The following PAK3 variants were observed in gnomAD, a reference collection of about 807,000 sequenced individuals.
PAK3 encodes serine/threonine-protein kinase PAK 3.
PAK3 carries 4 observed loss-of-function variants against 41.0 expected under a neutral mutation model. That is an observed-to-expected ratio of 0.10 (90% confidence interval 0.05 to 0.22). PAK3 has a LOEUF of 0.22. Ranked by LOEUF, PAK3 falls within the 10% of genes least tolerant of loss-of-function variation. The pLI, the probability that PAK3 is intolerant of heterozygous loss-of-function variation, is 1.00. For synonymous variants in PAK3, 146 were observed against 139.6 expected, an observed-to-expected ratio of 1.05 and a Z score of -0.32; for missense variants, 205 against 409.9, an observed-to-expected ratio of 0.50 and a Z score of 4.32.
chrX:111,061,626 A>C (rs1006359934), intron 1 of PAK3, among the ~76,000 whole-genome samples: 4 of 111,508 alleles, frequency 3.6e-5, no homozygotes, highest in African/African-American at 1.3e-4. Context: ...GCCCTTTTTC[A>C]TGTTGTTCAG....
chrX:110,955,509 C>T (rs1242068112), intron 1 of PAK3, among the ~76,000 whole-genome samples: 1 of 111,210 alleles, frequency 9.0e-6, no homozygotes, highest in Non-Finnish European at 1.9e-5. Flanking sequence ...GGGTGTGCAC[C>T]TGTAGTGCAC....
At chrX:111,196,322 A>G (rs2094612632) in intron 15 of PAK3, 122 bp from the exon 16 acceptor site, 2 of 567,372 alleles carry the variant, frequency 3.5e-6, no homozygotes, top group Non-Finnish European at 6.1e-6. Context: ...ACAAAAAGGT[A>G]TGAGCTAGGC....
chrX:111,017,515 A>G (rs1221893700), intron 1 of PAK3, among the ~76,000 whole-genome samples: 2 of 111,935 alleles, frequency 1.8e-5, no homozygotes, highest in Non-Finnish European at 3.8e-5. Flanking sequence ...AATTTGTAGA[A>G]ACATACAGCC....
intron 1 of PAK3, among the ~76,000 whole-genome samples, chrX:111,081,230 T>C (rs1002909767): frequency 8.9e-6 from 1 of 111,734 alleles, no homozygotes; most frequent in Admixed American, 9.5e-5. Context: ...CGGTGGCTCA[T>C]GCCTGTAATT....
chrX:110,947,748 G>A (rs761684175), intron 1 of PAK3, among the ~76,000 whole-genome samples: 2 of 111,873 alleles, frequency 1.8e-5, no homozygotes, highest in South Asian at 7.5e-4. Context: ...CTGGTGTTGA[G>A]AGACACGTTC....
chrX:111,163,443 C>CTT (rs1295467485), intron 9 of PAK3, 119 bp from the exon 10 acceptor site: 14 of 453,904 alleles, frequency 3.1e-5, no homozygotes, highest in Non-Finnish European at 3.7e-5. Context: ...ACTCAAAGTC[C>CTT]TTTTTTTTTT....
intron 6 of PAK3, chrX:111,145,042 A>G: frequency 1.8e-5 from 8 of 442,768 alleles, no homozygotes; most frequent in Middle Eastern, 3.7e-4. Context: ...TCTAGTTGGT[A>G]TCCTATACAC....
rs1167245577 is a variant in PAK3 at position 111,226,679 on chromosome X, G to A, written c.*6232G>A. On this transcript the variant is annotated 3_prime_UTR_variant, in exon 18 of 18. Transcript: ENST00000372007. The stretch of plus-strand genomic sequence containing the variant: ...CACAGTGATTGGCCAGTTGTATGAT[G>A]AGTACACTGCTGGAAAGAGGGTAAA... 8.9e-6 allele frequency: 1 copy of A among 112,397 alleles called. No homozygotes were observed. Among genetic ancestry groups the A allele is most frequent in the East Asian group, 2.8e-4 (1 of 3,586 alleles). 9.3% of individuals were successfully genotyped at this position (112,397 alleles called of 1,213,427 possible).
At chrX:111,125,860 C>T (rs2093640968) in intron 5 of PAK3, among the ~76,000 whole-genome samples, 1 of 111,734 alleles carries the variant, frequency 8.9e-6, no homozygotes, top group Non-Finnish European at 1.9e-5. Context: ...TTTAAATACT[C>T]TTACTGGACA....
chrX:111,205,677 C>T (rs2094738313), intron 16 of PAK3, among the ~76,000 whole-genome samples: 1 of 111,164 alleles, frequency 9.0e-6, no homozygotes, highest in South Asian at 3.8e-4. Flanking sequence ...AAAGCTATTG[C>T]AGGGACACAA....
intron 1 of PAK3, among the ~76,000 whole-genome samples, chrX:111,097,187 T>G (rs2093019519): frequency 9.4e-6 from 1 of 106,909 alleles, no homozygotes; most frequent in Non-Finnish European, 1.9e-5. Flanking sequence ...TGCCCTCAGT[T>G]TGTGAACTGG....
chrX:111,087,423 C>A (rs867339461), intron 1 of PAK3, among the ~76,000 whole-genome samples: 30 of 94,502 alleles, frequency 3.2e-4, no homozygotes, highest in African/African-American at 8.7e-4. Flanking sequence ...TGCATTATTA[C>A]AAAAAAAAAA....
intron 11 of PAK3, among the ~76,000 whole-genome samples, chrX:111,183,828 A>G (rs774643389): frequency 1.8e-5 from 2 of 111,809 alleles, no homozygotes; most frequent in East Asian, 2.9e-4. Context: ...GCGCTTGGCC[A>G]TGTCAGGGAG....
In PAK3 at chrX:110,964,734, A is replaced by T. The variant is rs768311167; in HGVS notation, c.-28+20106A>T. ...TCTTTCCCTCACAAATGAAAAATGG[A>T]TCAATGCTGTTGAGAAAAGCAACAC... On this transcript the variant is annotated intron_variant, in intron 1 of 14. Coordinates refer to the PAK3 transcript ENST00000425146. Among the ~76,000 whole-genome samples the T allele has an allele frequency of 5.8e-4, 65 of 112,237 alleles. 1 individual carries two copies. Among genetic ancestry groups the T allele is most frequent in the Non-Finnish European group, 9.0e-4 (48 of 53,244 alleles).
intron 1 of PAK3, among the ~76,000 whole-genome samples, chrX:110,992,851 T>C (rs2091674457): frequency 8.9e-6 from 1 of 111,764 alleles, no homozygotes; most frequent in Non-Finnish European, 1.9e-5. Flanking sequence ...CCAGAATAAG[T>C]GCATACCTTC....
chrX:110,987,398 C>G (rs1216902684), intron 1 of PAK3, among the ~76,000 whole-genome samples: 1 of 111,450 alleles, frequency 9.0e-6, no homozygotes, highest in African/African-American at 3.3e-5. Flanking sequence ...AGCAACCCAT[C>G]CCTTCCTCTT....
At chrX:110,983,933 A>G (rs2091493157) in intron 1 of PAK3, among the ~76,000 whole-genome samples, 1 of 111,688 alleles carries the variant, frequency 9.0e-6, no homozygotes, top group Non-Finnish European at 1.9e-5. Flanking sequence ...TACACATCAC[A>G]TCCTAGTCAT....
chrX:111,059,938 A>G, intron 1 of PAK3, among the ~76,000 whole-genome samples: 1 of 111,098 alleles, frequency 9.0e-6, no homozygotes, highest in East Asian at 2.8e-4. Flanking sequence ...TTCTGGCCTA[A>G]TTGCTATGGC....
chrX:111,213,533 T>C (rs780348223), intron 16 of PAK3, among the ~76,000 whole-genome samples: 1 of 111,997 alleles, frequency 8.9e-6, no homozygotes, highest in South Asian at 3.7e-4. Context: ...GAATAGAATA[T>C]ATTAAGCTAA....
Sources: gnomAD v4.1 joint callset for allele counts (sites outside exome capture counted in the v4.1 genomes callset) on GRCh38, gnomAD v4.1.1 for gene constraint, MANE v1.5 for transcripts, NCBI Gene and HGNC (gene_info 2026-07-23, HGNC 2026-07-21) for gene names.